OXCT1: variants seen among roughly 807,000 people sequenced by gnomAD.
OXCT1 encodes the protein succinyl-CoA:3-ketoacid coenzyme A transferase 1, mitochondrial.
Under a neutral mutation model 69.6 loss-of-function variants are expected in OXCT1, and 27 were observed. The observed-to-expected ratio is 0.39, with a 90% CI of 0.29 to 0.54. The LOEUF is 0.54. Ranked by LOEUF, OXCT1 falls within the 20% of genes least tolerant of loss-of-function variation. The pLI, the probability that OXCT1 is intolerant of heterozygous loss-of-function variation, is 0.72. For synonymous variants in OXCT1, 202 were observed against 217.8 expected, an observed-to-expected ratio of 0.93 and a Z score of 0.64; for missense variants, 437 against 650.2, an observed-to-expected ratio of 0.67 and a Z score of 3.57.
chr5:41,750,365 A>G (rs1447449340), intron 14 of OXCT1, among the ~76,000 whole-genome samples: 1 of 151,856 alleles, frequency 6.6e-6, no homozygotes, highest in Non-Finnish European at 1.5e-5. Context: ...CCCACCTGCA[A>G]TGTAGAACTG....
chr5:41,870,057 G>C lies in OXCT1; in HGVS notation c.78+224C>G. ...TCCGCGCGCTTCTTTATCGCGTCTC[G>C]CTCCATCAGGGAAGCGACTGCAGAA... On this transcript the variant is annotated intron_variant, in intron 1 of 16. Transcript: ENST00000196371. This position sits in a 1 kb window ranked among gnomAD's most constrained non-coding sequence, Gnocchi z 4.2. The C allele has an allele frequency of 1.7e-6, 1 of 576,430 alleles. No individual in the cohort carries two copies. Among genetic ancestry groups the C allele is most frequent in the Non-Finnish European group, 3.1e-6 (1 of 319,220 alleles). 35.7% of individuals were successfully genotyped at this position (576,430 alleles called of 1,614,324 possible).
At chr5:41,755,945 G>T (rs982023609) in intron 14 of OXCT1, among the ~76,000 whole-genome samples, 1 of 152,088 alleles carries the variant, frequency 6.6e-6, no homozygotes, top group Admixed American at 6.6e-5. Context: ...GGGCAGATGA[G>T]TATAAAGATC....
rs1750224057 is a variant in OXCT1, at chr5:41,870,221, C to T, written c.78+60G>A. On this transcript the variant is annotated intron_variant, in intron 1 of 16. Transcript: ENST00000196371. The surrounding 1 kb of genome is among the most constrained non-coding windows in gnomAD (Gnocchi z 4.2). ...GGGGCAGAGAAGAAAACGCGGGCAC[C>T]ACTCAGGGTTTGGTCCACGTTCTTC... 1.5e-6 allele frequency: 2 copies of T among 1,316,856 alleles called. No individual in the cohort carries two copies. The highest frequency in any genetic ancestry group is 1.1e-6 in the Non-Finnish European group (1 of 911,026). The allele number at this position is 1,316,856 out of a possible 1,614,324, so 81.6% of individuals were successfully genotyped here.
chr5:41,766,835 AT>A (rs1744628916), intron 13 of OXCT1, among the ~76,000 whole-genome samples: 1 of 152,142 alleles, frequency 6.6e-6, no homozygotes, highest in African/African-American at 2.4e-5. Flanking sequence ...TATAGAAACA[AT>A]TTTAAAAGCA....
chr5:41,795,164 C>T (rs1746120567), intron 11 of OXCT1, among the ~76,000 whole-genome samples: 1 of 152,154 alleles, frequency 6.6e-6, no homozygotes, highest in Non-Finnish European at 1.5e-5. Context: ...CTAGATCCCT[C>T]ATATGCACAG....
At chr5:41,827,793 AAG>A (rs1747880127) in intron 7 of OXCT1, among the ~76,000 whole-genome samples, 2 of 152,212 alleles carry the variant, frequency 1.3e-5, no homozygotes, top group Non-Finnish European at 2.9e-5. Context: ...CCAAAAAGAA[AAG>A]AGAGAGCTAC....
chr5:41,809,141 T>C (rs554753722), intron 7 of OXCT1, among the ~76,000 whole-genome samples: 1 of 152,168 alleles, frequency 6.6e-6, no homozygotes, highest in African/African-American at 2.4e-5. Flanking sequence ...TAAAAATTTA[T>C]AGAAATGCAC....
intron 12 of OXCT1, 91 bp downstream of exon 12, chr5:41,794,585 TG>T: frequency 1.8e-6 from 2 of 1,135,430 alleles, no homozygotes; most frequent in Non-Finnish European, 2.6e-6. Context: ...CTGGGAAATG[TG>T]GCTGTGTTTC....
intron 13 of OXCT1, among the ~76,000 whole-genome samples, chr5:41,787,075 T>C (rs544036022): frequency 7.9e-4 from 121 of 152,336 alleles, no homozygotes; most frequent in African/African-American, 2.7e-3. Context: ...AAAAAGCTGA[T>C]ACCAGTGTTG....
At chr5:41,839,251 GAACTTC>G (rs1748516025) in intron 7 of OXCT1, among the ~76,000 whole-genome samples, 1 of 152,150 alleles carries the variant, frequency 6.6e-6, no homozygotes, top group Non-Finnish European at 1.5e-5. Flanking sequence ...ATTTTAAAGA[GAACTTC>G]ACCCAGGATA....
chr5:41,743,082 T>A (rs949066331), intron 15 of OXCT1, among the ~76,000 whole-genome samples: 1 of 152,246 alleles, frequency 6.6e-6, no homozygotes, highest in Non-Finnish European at 1.5e-5. Flanking sequence ...TGAACTAGTT[T>A]ACGGTCCCAC....
chr5:41,861,538 A>G (rs536873763), intron 2 of OXCT1, 134 bp from the exon 3 acceptor site: 2 of 710,210 alleles, frequency 2.8e-6, no homozygotes, highest in South Asian at 1.5e-5. Context: ...ATACACAGAT[A>G]TATCTCAGCA....
At position 41,730,926 on chromosome 5, in the gene OXCT1, T is replaced by C. The variant is rs1210253369; in HGVS notation, c.*803A>G. On this transcript the variant is annotated 3_prime_UTR_variant, in exon 17 of 17. Transcript: ENST00000196371. ...TGCTGTCATTGCTACTAAGGATTCA[T>C]GGTAAATTATCCCACAGCCCTTCTT... 1 of 152,182 alleles carries C rather than the reference T, an allele frequency of 6.6e-6. No homozygotes were observed. Among genetic ancestry groups the C allele is most frequent in the Admixed American group, 6.5e-5 (1 of 15,268 alleles). The allele number at this position is 152,182 out of a possible 1,614,324, so 9.4% of individuals were successfully genotyped here.
chr5:41,762,204 C>A lies in OXCT1; in HGVS notation c.1249-4G>T. On this transcript the variant is annotated splice_polypyrimidine_tract_variant and splice_region_variant and intron_variant, in intron 13 of 16. Transcript: ENST00000196371. The surrounding 1 kb of genome is among the most constrained non-coding windows in gnomAD (Gnocchi z 4.0). Reference sequence around the variant, plus strand: ...CCATTCCTTTCACCATCTTCCCCTGCAAAACAAAAAATAAATAGCTCTGTA... The same window carrying A: ...CCATTCCTTTCACCATCTTCCCCTGAAAAACAAAAAATAAATAGCTCTGTA... 1 of 1,608,954 alleles carries A rather than the reference C, an allele frequency of 6.2e-7. No individual in the cohort carries two copies. The highest frequency in any genetic ancestry group is 1.1e-5 in the South Asian group (1 of 90,994).
chr5:41,846,679 T>C (rs1052818602), intron 5 of OXCT1, among the ~76,000 whole-genome samples: 15 of 152,222 alleles, frequency 9.9e-5, no homozygotes, highest in African/African-American at 3.6e-4. Context: ...ATGGTATTTC[T>C]AGTTCTAGAT....
rs755845990 is a variant in OXCT1, at chr5:41,730,535, C to G, written c.*1194G>C. The G allele has an allele frequency of 6.6e-6, 1 of 152,224 alleles. No individual in the cohort carries two copies. The highest frequency in any genetic ancestry group is 1.5e-5 in the Non-Finnish European group (1 of 68,042). The allele number at this position is 152,224 out of a possible 1,614,324, so 9.4% of individuals were successfully genotyped here. On this transcript the variant is annotated 3_prime_UTR_variant, in exon 17 of 17. Transcript: ENST00000196371. ...ATGCCTACCTCTGTCCAGAGGCCAGCTGTCTCACCTGTTCTTCAGGGTGCC... is the reference window on the plus strand; with the variant it reads ...ATGCCTACCTCTGTCCAGAGGCCAGGTGTCTCACCTGTTCTTCAGGGTGCC...
chr5:41,789,070 AAAC>A (rs1218825621), intron 13 of OXCT1, among the ~76,000 whole-genome samples: 1 of 152,244 alleles, frequency 6.6e-6, no homozygotes, highest in African/African-American at 2.4e-5. Context: ...GAAGAGACTG[AAAC>A]AACATAAAAA....
intron 5 of OXCT1, among the ~76,000 whole-genome samples, chr5:41,847,037 A>G (rs1034882804): frequency 6.6e-6 from 1 of 152,108 alleles, no homozygotes; most frequent in Non-Finnish European, 1.5e-5. Context: ...CGCTAGCAAG[A>G]CTAATAAAGA....
chr5:41,794,401 G>T, intron 12 of OXCT1: 1 of 595,266 alleles, frequency 1.7e-6, no homozygotes, highest in Non-Finnish European at 3.0e-6. Flanking sequence ...TGAAGAAAAT[G>T]TTAGAATCCT....
Sources: gnomAD v4.1 joint callset for allele counts (sites outside exome capture counted in the v4.1 genomes callset) on GRCh38, gnomAD v4.1.1 for gene constraint, Gnocchi (gnomAD v3.1) non-coding constraint, MANE v1.5 for transcripts, NCBI Gene and HGNC (gene_info 2026-07-23, HGNC 2026-07-21) for gene names.